The following ADGRL3 variants were observed in gnomAD, a reference collection of about 807,000 sequenced individuals.
ADGRL3 encodes the protein adhesion G protein-coupled receptor L3.
In ADGRL3, 62 loss-of-function variants were observed where a neutral mutation model predicts 153.5. That is an observed-to-expected ratio of 0.40 (90% CI 0.33 to 0.50). The LOEUF (loss-of-function observed/expected upper bound fraction) is 0.50, where lower values mean the gene tolerates loss of function less well. ADGRL3 is among the 20% of genes least tolerant of loss of function. The probability of loss-of-function intolerance (pLI) is 0.47; values close to 1 mark genes in which losing one functional copy is unlikely to be tolerated. For missense variants in ADGRL3, 1,641 were observed against 1,859.4 expected (o/e 0.88, Z 2.16); for synonymous variants, 710 against 672.5 (o/e 1.06, Z -0.86).
chr4:61,320,957 T>C (rs977755855), intron 1 of ADGRL3, among the ~76,000 whole-genome samples: 1 of 152,170 alleles, frequency 6.6e-6, no homozygotes, highest in Non-Finnish European at 1.5e-5. Flanking sequence ...TCTGCCTTTA[T>C]TCTTTGGCTC....
intron 11 of ADGRL3, among the ~76,000 whole-genome samples, chr4:61,908,623 A>T (rs1340944255): frequency 1.3e-4 from 20 of 151,908 alleles, no homozygotes; most frequent in African/African-American, 4.8e-4. Context: ...AAAAAAAAAA[A>T]AGTCTCTGGA....
At chr4:61,739,601 T>G (rs1350348435) in intron 8 of ADGRL3, among the ~76,000 whole-genome samples, 2 of 152,220 alleles carry the variant, frequency 1.3e-5, no homozygotes, top group Non-Finnish European at 2.9e-5. Context: ...TTCAAGATAC[T>G]AGGTGAATAG....
At chr4:62,046,383 A>G (rs562684188) in intron 25 of ADGRL3, among the ~76,000 whole-genome samples, 2 of 152,050 alleles carry the variant, frequency 1.3e-5, no homozygotes, top group African/African-American at 4.8e-5. Context: ...TATGGGCTTA[A>G]AGTTAATCAC....
In ADGRL3 at chr4:62,074,944, C is replaced by G. The variant is rs1746682263; in HGVS notation, c.*4036C>G. ...TAATTTTAGGCATTGTCTTCAGCTTCCCTGGACCCCCAACACATGTTGAAA... is the reference window on the plus strand; with the variant it reads ...TAATTTTAGGCATTGTCTTCAGCTTGCCTGGACCCCCAACACATGTTGAAA... On this transcript the variant is annotated 3_prime_UTR_variant, in exon 27 of 27. Coordinates refer to ENST00000683033, the MANE Select transcript of ADGRL3 (RefSeq NM_001387552.1). 1 of 152,038 alleles carries G rather than the reference C, an allele frequency of 6.6e-6. No individual in the cohort carries two copies. The highest frequency in any genetic ancestry group is 2.1e-4 in the South Asian group (1 of 4,822). 9.4% of individuals were successfully genotyped at this position (152,038 alleles called of 1,614,324 possible).
intron 2 of ADGRL3, among the ~76,000 whole-genome samples, chr4:61,400,000 CT>C (rs1306689084): frequency 6.6e-6 from 1 of 151,648 alleles, no homozygotes; most frequent in African/African-American, 2.4e-5. Flanking sequence ...AAGTATACCC[CT>C]GAGACAATAT....
rs2099075468 is a variant in ADGRL3, at chr4:61,983,478, G to A, written c.3111G>A (p.Leu1037=). Reference sequence around the variant, plus strand: ...AGGGGGTGCAGCTTTATATCATGCTGGTGGAGGTTTTTGAGAGTGAACATT... The same window carrying A: ...AGGGGGTGCAGCTTTATATCATGCTAGTGGAGGTTTTTGAGAGTGAACATT... ...FLEGVQLYIM[L]VEVFESEHSR... The change falls in exon 19 of 27, where the codon CTG becomes CTA. Residue 1037 remains leucine (L), a synonymous_variant. Coordinates refer to ENST00000683033, the MANE Select transcript of ADGRL3 (RefSeq NM_001387552.1). 1 of 1,613,788 alleles carries A rather than the reference G, an allele frequency of 6.2e-7. No homozygotes were observed. The highest frequency in any genetic ancestry group is 1.3e-5 in the African/African-American group (1 of 74,908).
chr4:61,643,196 A>C (rs1001834559), intron 5 of ADGRL3, among the ~76,000 whole-genome samples: 1 of 152,078 alleles, frequency 6.6e-6, no homozygotes, highest in Non-Finnish European at 1.5e-5. Flanking sequence ...GGGCTGAGAC[A>C]ATGGGGTTTT....
At chr4:61,300,915 C>G (rs778513502) in intron 1 of ADGRL3, among the ~76,000 whole-genome samples, 6 of 151,966 alleles carry the variant, frequency 3.9e-5, no homozygotes, top group Non-Finnish European at 8.8e-5. Context: ...CAAGCGCCCA[C>G]CACCACGCCC....
At chr4:61,335,464 T>G (rs2095655853) in intron 1 of ADGRL3, among the ~76,000 whole-genome samples, 1 of 152,294 alleles carries the variant, frequency 6.6e-6, no homozygotes, top group Admixed American at 6.5e-5. Flanking sequence ...AGTGCATGGC[T>G]ATTCAGGTCA....
intron 23 of ADGRL3, among the ~76,000 whole-genome samples, chr4:62,035,839 C>T (rs1267932955): frequency 6.6e-6 from 1 of 152,082 alleles, no homozygotes; most frequent in Non-Finnish European, 1.5e-5. Flanking sequence ...TTGTAGTTTA[C>T]TCTCATTGCT....
intron 8 of ADGRL3, among the ~76,000 whole-genome samples, chr4:61,811,532 GT>G (rs2097620864): frequency 6.6e-6 from 1 of 152,036 alleles, no homozygotes; most frequent in African/African-American, 2.4e-5. Context: ...ATTTCTTTTG[GT>G]TTTGATGAAA....
chr4:61,563,789 C>G (rs867658845), intron 4 of ADGRL3, among the ~76,000 whole-genome samples: 6 of 152,092 alleles, frequency 3.9e-5, no homozygotes, highest in African/African-American at 9.7e-5. Flanking sequence ...GCGGGCAGAT[C>G]ACAAGGTCAA....
chr4:61,386,669 C>T (rs2096740140), intron 2 of ADGRL3, among the ~76,000 whole-genome samples: 1 of 152,012 alleles, frequency 6.6e-6, no homozygotes, highest in African/African-American at 2.4e-5. Flanking sequence ...TGGCTGAAAT[C>T]ACATGAGAAA....
chr4:61,829,303 G>A (rs190050122), intron 9 of ADGRL3, among the ~76,000 whole-genome samples: 160 of 152,242 alleles, frequency 1.1e-3, no homozygotes, highest in African/African-American at 3.5e-3. Flanking sequence ...TAGTCCATTC[G>A]TGTAACTTTT....
intron 1 of ADGRL3, among the ~76,000 whole-genome samples, chr4:61,210,405 T>A (rs995655308): frequency 2.0e-5 from 3 of 151,974 alleles, no homozygotes; most frequent in African/African-American, 7.2e-5. Flanking sequence ...CCTGAGCCTG[T>A]GAGAATAGAG....
At chr4:61,372,927 G>C (rs530117976) in intron 1 of ADGRL3, among the ~76,000 whole-genome samples, 8 of 152,198 alleles carry the variant, frequency 5.3e-5, no homozygotes, top group Non-Finnish European at 1.2e-4. Context: ...ATATAATCTC[G>C]TGGTGCGCCC....
chr4:61,849,063 AG>A (rs1458454243), intron 9 of ADGRL3, among the ~76,000 whole-genome samples: 4 of 152,170 alleles, frequency 2.6e-5, no homozygotes, highest in African/African-American at 9.7e-5. Context: ...TACACAGTGA[AG>A]TTATGATAGC....
At chr4:61,894,323 G>A (rs754245532) in intron 10 of ADGRL3, among the ~76,000 whole-genome samples, 3 of 152,098 alleles carry the variant, frequency 2.0e-5, no homozygotes, top group Non-Finnish European at 4.4e-5. Context: ...TATAGGAAAT[G>A]GTGGGTGGGA....
At chr4:61,796,009 A>C (rs2097406456) in intron 8 of ADGRL3, among the ~76,000 whole-genome samples, 1 of 151,976 alleles carries the variant, frequency 6.6e-6, no homozygotes, top group Admixed American at 6.6e-5. Context: ...TACCCAGCTA[A>C]TTTTTGTATC....
Sources: allele counts gnomAD v4.1 joint callset (sites outside exome capture counted in the v4.1 genomes callset), GRCh38; gene constraint gnomAD v4.1.1; transcripts MANE v1.5; gene names NCBI Gene and HGNC (gene_info 2026-07-23, HGNC 2026-07-21).